GSDME: variants seen among roughly 807,000 people sequenced by gnomAD.
GSDME encodes the protein gasdermin E.
A neutral mutation model predicts 47.5 loss-of-function variants in GSDME; 44 were observed. The observed-to-expected ratio is 0.93, with a 90% CI of 0.73 to 1.19. The LOEUF is 1.19. GSDME is among the 50% of genes most tolerant of loss of function. GSDME has a pLI of 0.00. For missense variants in GSDME, 663 were observed against 604.2 expected (o/e 1.10, Z -1.02); for synonymous variants, 258 against 252.8 (o/e 1.02, Z -0.20).
Position 24,706,303 on chromosome 7 carries a change from T to A in GSDME, c.1064A>T (p.Asp355Val), listed in dbSNP as rs772663710. 1 of 1,613,994 alleles carries A rather than the reference T, an allele frequency of 6.2e-7. No homozygotes were observed. The highest frequency in any genetic ancestry group is 1.3e-5 in the African/African-American group (1 of 75,034). Residue 355 changes from aspartate (D) to valine (V), a missense_variant, in exon 8 of 10, where the codon GAC (aspartate) becomes GTC (valine). Asp to Val is a radical substitution (Grantham distance 152). Transcript: ENST00000645220. ...LGELKPRQQQ[D>V]LVAFLQLVGC... Reference sequence around the variant, plus strand: ...CACCAGCTGCAGGAAGGCCACAAGGTCCTGCTGCTGCCGGGGCTTCAGCTC... The same window carrying A: ...CACCAGCTGCAGGAAGGCCACAAGGACCTGCTGCTGCCGGGGCTTCAGCTC...
chr7:24,776,642 A>C, the GSDME span, among the ~76,000 whole-genome samples: 3,160 of 152,318 alleles, frequency 0.021, 123 homozygotes, highest in African/African-American at 0.072. Context: ...GGATCGCCTT[A>C]ATTAAAACTT....
At chr7:24,793,747 T>C in the GSDME span, among the ~76,000 whole-genome samples, 3 of 152,124 alleles carry the variant, frequency 2.0e-5, no homozygotes, top group Admixed American at 6.5e-5. Flanking sequence ...GAATGTAATA[T>C]ATAACGTTCT....
At chr7:24,730,842 G>T (rs909214890) in intron 3 of GSDME, among the ~76,000 whole-genome samples, 2 of 152,014 alleles carry the variant, frequency 1.3e-5, no homozygotes, top group African/African-American at 4.8e-5. Context: ...AATAAAAAAT[G>T]AAACTCATCA....
At chr7:24,743,992 T>C (rs1438842831) in intron 3 of GSDME, 2 of 176,500 alleles carry the variant, frequency 1.1e-5, no homozygotes, top group African/African-American at 2.4e-5. Flanking sequence ...ACATGGCACA[T>C]AGGACGCACT....
rs1260831255 is a variant in GSDME at position 24,754,579 on chromosome 7, A to C, written c.-20+2817T>G. Among the ~76,000 whole-genome samples, 1 of 152,202 alleles carries C rather than the reference A, an allele frequency of 6.6e-6. No homozygotes were observed. Among genetic ancestry groups the C allele is most frequent in the East Asian group, 1.9e-4 (1 of 5,196 alleles). ...GAACTAAAAAGGCCAAAGCAAATGC[A>C]GTAAGGATATCCTAGCTTGAGTCAG... is the stretch of plus-strand genomic sequence containing the variant. On this transcript the variant is annotated intron_variant, in intron 1 of 9. Transcript: ENST00000645220. This position sits in a 1 kb window ranked among gnomAD's most constrained non-coding sequence, Gnocchi z 5.0.
chr7:24,768,705 C>T, the GSDME span, among the ~76,000 whole-genome samples: 3 of 152,184 alleles, frequency 2.0e-5, no homozygotes, highest in African/African-American at 7.2e-5. This position sits in a 1 kb window ranked among gnomAD's most constrained non-coding sequence, Gnocchi z 5.6. Context: ...TCTATGTGTG[C>T]CATGCTATGA....
the GSDME span, among the ~76,000 whole-genome samples, chr7:24,791,833 A>G: frequency 6.6e-6 from 1 of 152,204 alleles, no homozygotes; most frequent in African/African-American, 2.4e-5. This position sits in a 1 kb window ranked among gnomAD's most constrained non-coding sequence, Gnocchi z 4.8. Flanking sequence ...AGCTCACTGC[A>G]TCCCTTCAGG....
chr7:24,707,850 G>A (rs1353675863), intron 7 of GSDME: 1 of 571,750 alleles, frequency 1.7e-6, no homozygotes, highest in Non-Finnish European at 3.1e-6. Context: ...CAGACACCTA[G>A]ACTTTGGACT....
the GSDME span, among the ~76,000 whole-genome samples, chr7:24,783,569 T>C: frequency 6.6e-6 from 1 of 152,276 alleles, no homozygotes; most frequent in East Asian, 1.9e-4. Flanking sequence ...CTGAGGTGTT[T>C]GGAGCAGAGA....
At chr7:24,759,496 C>T (rs1370372894), upstream of GSDME, among the ~76,000 whole-genome samples, 1 of 152,098 alleles carries the variant, frequency 6.6e-6, no homozygotes, top group Non-Finnish European at 1.5e-5. Flanking sequence ...CTACTGTCAC[C>T]AAGCATGCTT....
the GSDME span, among the ~76,000 whole-genome samples, chr7:24,791,628 C>A: frequency 5.7e-3 from 869 of 152,318 alleles, 5 homozygotes; most frequent in African/African-American, 0.02. This position sits in a 1 kb window ranked among gnomAD's most constrained non-coding sequence, Gnocchi z 4.8. Context: ...ATAACCGGAT[C>A]CATCTTCTTC....
rs924435387 is a variant in GSDME at position 24,724,423 on chromosome 7, G to C, written c.405-5205C>G. Among the ~76,000 whole-genome samples the C allele has an allele frequency of 6.6e-6, 1 of 152,174 alleles. No individual in the cohort carries two copies. Among genetic ancestry groups the C allele is most frequent in the Non-Finnish European group, 1.5e-5 (1 of 68,030 alleles). ...AGCTCTTCCAGGAGAAAATGAACAA[G>C]CAGAGGTTCTTCATCCGCTTCACAC... On this transcript the variant is annotated intron_variant, in intron 3 of 9. Transcript: ENST00000645220. The surrounding 1 kb of genome is among the most constrained non-coding windows in gnomAD (Gnocchi z 4.8).
At position 24,753,765 on chromosome 7, in the gene GSDME, A is replaced by C. The variant is rs117857827; in HGVS notation, c.-20+3631T>G. Among the ~76,000 whole-genome samples, 302 of 152,320 alleles carry C rather than the reference A, an allele frequency of 2.0e-3. 3 individuals carry two copies. The highest frequency in any genetic ancestry group is 3.5e-3 in the Non-Finnish European group (240 of 68,012). On this transcript the variant is annotated intron_variant, in intron 1 of 9. Transcript: ENST00000645220. The stretch of plus-strand genomic sequence containing the variant: ...TTTATTTTGTTGAAAGACTTTCTGT[A>C]TTTAACTGTATCCTTTGCTCATTTT...
chr7:24,719,042 CGCACCT>C lies in GSDME; in HGVS notation c.575_576+4del. ...ATGAACGCAGGGCAGCCCGACTGCA[CGCACCT>C]GCACCGTCTTGGTCTGGATGCCCAC... On this transcript the variant is annotated splice_donor_variant and splice_donor_region_variant and coding_sequence_variant and intron_variant, in exon 4 of 10. Transcript: ENST00000645220. LOFTEE classifies it high-confidence loss of function. The C allele has an allele frequency of 6.2e-7, 1 of 1,612,022 alleles. No individual in the cohort carries two copies. The highest frequency in any genetic ancestry group is 8.5e-7 in the Non-Finnish European group (1 of 1,179,940).
chr7:24,790,967 C>T, the GSDME span, among the ~76,000 whole-genome samples: 1 of 152,138 alleles, frequency 6.6e-6, no homozygotes, highest in African/African-American at 2.4e-5. The surrounding 1 kb of genome is among the most constrained non-coding windows in gnomAD (Gnocchi z 4.1). Context: ...GAAAATAAAT[C>T]CCATGGTGAG....
chr7:24,759,777 G>C (rs904763304), upstream of GSDME, among the ~76,000 whole-genome samples: 1 of 152,150 alleles, frequency 6.6e-6, no homozygotes, highest in Non-Finnish European at 1.5e-5. Flanking sequence ...TTGGGAGAGA[G>C]GGATGACTTG....
the GSDME span, among the ~76,000 whole-genome samples, chr7:24,789,447 G>A: frequency 2.0e-5 from 3 of 152,190 alleles, no homozygotes; most frequent in African/African-American, 4.8e-5. Flanking sequence ...AAGGGGGTCC[G>A]CGTGAGCAGG....
chr7:24,758,650 G>A (rs539884314), upstream of GSDME, among the ~76,000 whole-genome samples: 212 of 152,264 alleles, frequency 1.4e-3, 1 homozygote, highest in African/African-American at 4.8e-3. The surrounding 1 kb of genome is among the most constrained non-coding windows in gnomAD (Gnocchi z 4.6). Flanking sequence ...CTTGGGCCCC[G>A]CTATGCTTTA....
In GSDME at chr7:24,714,846, G is replaced by A. The variant is rs970266397; in HGVS notation, c.697+2408C>T. Among the ~76,000 whole-genome samples the A allele has an allele frequency of 3.3e-5, 5 of 152,272 alleles. No homozygotes were observed. Among genetic ancestry groups the A allele is most frequent in the Non-Finnish European group, 7.4e-5 (5 of 68,010 alleles). On this transcript the variant is annotated intron_variant, in intron 5 of 9. Transcript: ENST00000645220. The surrounding 1 kb of genome is among the most constrained non-coding windows in gnomAD (Gnocchi z 5.0). ...AGTGGCAGCCCAGGCCTGGGTCCCC[G>A]CCACCGAAGGGTCCGCAGAGCACTC...
Sources: allele counts gnomAD v4.1 joint callset (sites outside exome capture counted in the v4.1 genomes callset), GRCh38; gene constraint gnomAD v4.1.1; non-coding constraint Gnocchi (gnomAD v3.1); transcripts MANE v1.5; gene names NCBI Gene and HGNC (gene_info 2026-07-23, HGNC 2026-07-21).